KCNIP4: variants seen among roughly 807,000 people sequenced by gnomAD.
KCNIP4 encodes the protein Kv channel-interacting protein 4.
A neutral mutation model predicts 34.0 loss-of-function variants in KCNIP4; 12 were observed. That is an observed-to-expected ratio of 0.35 (90% CI 0.23 to 0.57). The LOEUF (loss-of-function observed/expected upper bound fraction) is 0.57. Ranked by LOEUF, KCNIP4 falls within the 20% of genes least tolerant of loss-of-function variation. The probability of loss-of-function intolerance (pLI) is 0.83; values close to 1 mark genes in which losing one functional copy is unlikely to be tolerated. For missense variants in KCNIP4, 238 were observed against 311.7 expected, an observed-to-expected ratio of 0.76 and a Z score of 1.78; for synonymous variants, 124 against 102.2, an observed-to-expected ratio of 1.21 and a Z score of -1.29.
chr4:21,638,756 T>C (rs943616249), intron 1 of KCNIP4, among the ~76,000 whole-genome samples: 3 of 152,198 alleles, frequency 2.0e-5, no homozygotes, highest in African/African-American at 4.8e-5. Flanking sequence ...ACATATTCTG[T>C]CTGCTATAGA....
At chr4:21,451,811 T>C (rs1243596152) in intron 1 of KCNIP4, among the ~76,000 whole-genome samples, 3 of 152,100 alleles carry the variant, frequency 2.0e-5, no homozygotes, top group South Asian at 2.1e-4. Flanking sequence ...TCTTTACTGC[T>C]AACAACATAC....
intron 1 of KCNIP4, among the ~76,000 whole-genome samples, chr4:21,921,254 A>G (rs954824321): frequency 1.3e-5 from 2 of 151,994 alleles, no homozygotes; most frequent in African/African-American, 4.8e-5. Flanking sequence ...TCCATCTATG[A>G]CATTTACTCT....
intron 1 of KCNIP4, among the ~76,000 whole-genome samples, chr4:21,380,298 T>G (rs780422513): frequency 3.9e-5 from 6 of 152,106 alleles, no homozygotes; most frequent in Non-Finnish European, 4.4e-5. Context: ...ATGTAAGATT[T>G]TATTTACTTT....
At chr4:21,620,522 T>TA (rs1239269213) in intron 1 of KCNIP4, among the ~76,000 whole-genome samples, 2 of 151,428 alleles carry the variant, frequency 1.3e-5, no homozygotes, top group Admixed American at 6.6e-5. Flanking sequence ...ATAAAATAAG[T>TA]AAAAAAATAC....
chr4:20,994,335 G>C (rs1376301532), intron 1 of KCNIP4, among the ~76,000 whole-genome samples: 1 of 152,120 alleles, frequency 6.6e-6, no homozygotes, highest in Admixed American at 6.6e-5. Flanking sequence ...ACTTTATTAG[G>C]AACAAACTAG....
intron 1 of KCNIP4, among the ~76,000 whole-genome samples, chr4:21,534,641 T>C (rs1410033329): frequency 6.6e-6 from 1 of 152,110 alleles, no homozygotes; most frequent in African/African-American, 2.4e-5. Context: ...AAGTGCCCTT[T>C]CCATTTTCAG....
At chr4:20,836,355 T>G (rs1033936284) in intron 3 of KCNIP4, among the ~76,000 whole-genome samples, 1 of 152,220 alleles carries the variant, frequency 6.6e-6, no homozygotes. Context: ...CTTTCATTAC[T>G]GGTTTTCTCC....
At chr4:21,484,987 T>C (rs1560451117) in intron 1 of KCNIP4, among the ~76,000 whole-genome samples, 1 of 152,206 alleles carries the variant, frequency 6.6e-6, no homozygotes, top group Non-Finnish European at 1.5e-5. Context: ...CAGAGAGATA[T>C]TCTACTGAAT....
chr4:21,614,814 T>C (rs1230974636), intron 1 of KCNIP4, among the ~76,000 whole-genome samples: 2 of 152,132 alleles, frequency 1.3e-5, no homozygotes, highest in Non-Finnish European at 2.9e-5. Context: ...AGGACACCTA[T>C]GGGCATATTC....
At chr4:21,907,786 T>A (rs532883326) in intron 1 of KCNIP4, among the ~76,000 whole-genome samples, 90 of 152,166 alleles carry the variant, frequency 5.9e-4, no homozygotes, top group Non-Finnish European at 1.2e-3. Flanking sequence ...CTTGCCTTAG[T>A]ACACAATAAT....
At chr4:21,201,719 C>T (rs560566166) in intron 1 of KCNIP4, among the ~76,000 whole-genome samples, 9 of 152,220 alleles carry the variant, frequency 5.9e-5, no homozygotes, top group Admixed American at 4.6e-4. Flanking sequence ...AGGAAGGTTT[C>T]GACCTCCTGA....
intron 1 of KCNIP4, among the ~76,000 whole-genome samples, chr4:21,399,890 G>A (rs538796866): frequency 1.2e-4 from 18 of 152,190 alleles, no homozygotes; most frequent in African/African-American, 3.9e-4. Context: ...GTAGAGAAAG[G>A]AGAGAGACCC....
At chr4:21,364,394 A>G (rs1054848837) in intron 1 of KCNIP4, among the ~76,000 whole-genome samples, 8 of 152,116 alleles carry the variant, frequency 5.3e-5, no homozygotes, top group Non-Finnish European at 8.8e-5. Context: ...GCAGAATACT[A>G]TTATATAACA....
At chr4:21,886,651 T>C (rs1258805818) in intron 1 of KCNIP4, among the ~76,000 whole-genome samples, 1 of 152,128 alleles carries the variant, frequency 6.6e-6, no homozygotes, top group Non-Finnish European at 1.5e-5. Flanking sequence ...AAAAGTGTGA[T>C]TGTGATCTTT....
chr4:21,738,143 TAAAA>T lies in KCNIP4; in HGVS notation c.61+210424_61+210427del, dbSNP rs1266160849. Among the ~76,000 whole-genome samples the T allele has an allele frequency of 3.4e-5, 5 of 148,380 alleles. No individual in the cohort carries two copies. The South Asian group carries it at 8.5e-4, about 25-fold the overall frequency. On this transcript the variant is annotated intron_variant, in intron 1 of 8. Transcript: ENST00000382152. ...AATAAATAAATAAATAAATAATAAA[TAAAA>T]GGCTTAAAAGTCAAATCTAATGAAT...
Position 20,954,653 on chromosome 4 carries a change from T to C in KCNIP4, c.62-71944A>G, listed in dbSNP as rs895267661. On this transcript the variant is annotated intron_variant, in intron 1 of 8. Transcript: ENST00000382152. ...AATACATGAGGCATTCATACAACTC[T>C]GATAGCTTCATGCCCATACTTCTGG... Among the ~76,000 whole-genome samples the C allele has an allele frequency of 1.1e-4, 17 of 152,224 alleles. 1 individual carries two copies. Among genetic ancestry groups the C allele is most frequent in the Non-Finnish European group, 1.6e-4 (11 of 68,042 alleles).
intron 1 of KCNIP4, among the ~76,000 whole-genome samples, chr4:21,880,579 G>A (rs549619400): frequency 6.6e-6 from 1 of 152,232 alleles, no homozygotes; most frequent in Non-Finnish European, 1.5e-5. Context: ...TTGTTATACA[G>A]GTTGAATTAA....
Position 21,259,049 on chromosome 4 carries a change from G to A in KCNIP4, c.62-376340C>T, listed in dbSNP as rs867943160. 2.0e-5 allele frequency among the ~76,000 whole-genome samples: 3 copies of A among 152,222 alleles called. No homozygotes were observed. The South Asian group carries it at 6.2e-4, about 32-fold the overall frequency. On this transcript the variant is annotated intron_variant, in intron 1 of 8. Coordinates refer to ENST00000382152, the MANE Select transcript of KCNIP4 (RefSeq NM_025221.6). ...TTACTATTTTTCGTATTTCACAGAT[G>A]GTCAAGCTATAGCTCAGAGAGTTTA...
chr4:21,322,856 AC>A (rs1714644970), intron 1 of KCNIP4, among the ~76,000 whole-genome samples: 1 of 152,266 alleles, frequency 6.6e-6, no homozygotes, highest in Admixed American at 6.5e-5. Flanking sequence ...AAGAGAAATA[AC>A]CAGAAATAGA....
Sources: allele counts gnomAD v4.1 joint callset (sites outside exome capture counted in the v4.1 genomes callset), GRCh38; gene constraint gnomAD v4.1.1; transcripts MANE v1.5; gene names NCBI Gene and HGNC (gene_info 2026-07-23, HGNC 2026-07-21).